LDHAL6A: variants seen among roughly 807,000 people sequenced by gnomAD.
LDHAL6A encodes the protein L-lactate dehydrogenase A-like 6A.
Under a neutral mutation model 28.2 loss-of-function variants are expected in LDHAL6A, and 19 were observed. The ratio of observed to expected loss-of-function variants is 0.67; its 90% CI spans 0.47 to 0.99. LDHAL6A has a LOEUF of 0.99. Ranked by LOEUF, LDHAL6A falls within the 50% of genes least tolerant of loss-of-function variation. LDHAL6A has a pLI of 0.00. For synonymous variants in LDHAL6A, 144 were observed against 134.4 expected (o/e 1.07, Z -0.49); for missense variants, 372 against 398.6 (o/e 0.93, Z 0.57).
At chr11:18,458,594 C>T (rs1409927494) in intron 1 of LDHAL6A, among the ~76,000 whole-genome samples, 1 of 152,190 alleles carries the variant, frequency 6.6e-6, no homozygotes, top group Non-Finnish European at 1.5e-5. Context: ...GACACTGCAA[C>T]TTCTGTCATT....
rs1344614265 is a variant in LDHAL6A, at chr11:18,456,488, C to T, written c.-193C>T. 7.1e-6 allele frequency: 4 copies of T among 563,074 alleles called. No homozygotes were observed. The highest frequency in any genetic ancestry group is 1.3e-5 in the Non-Finnish European group (4 of 319,352). 34.9% of individuals were successfully genotyped at this position (563,074 alleles called of 1,614,324 possible). A position where few individuals can be genotyped will look rare whatever the true frequency, so the allele number is the denominator to read the frequency against. On this transcript the variant is annotated 5_prime_UTR_variant, in exon 1 of 7. Transcript: ENST00000280706. ...GGTCCGCTTCATGGATGCTGAGCTG[C>T]CTGGCCAGAACCTACCCAGCTTCTT...
At chr11:18,468,038 CATATATAT>C in intron 3 of LDHAL6A, among the ~76,000 whole-genome samples, 1 of 46,072 alleles carries the variant, frequency 2.2e-5, no homozygotes, top group East Asian at 1.1e-3. Context: ...TATATATATA[CATATATAT>C]ACGTATATAT....
intron 3 of LDHAL6A, among the ~76,000 whole-genome samples, chr11:18,473,357 A>G (rs1268671939): frequency 6.6e-6 from 1 of 152,116 alleles, no homozygotes; most frequent in Non-Finnish European, 1.5e-5. Flanking sequence ...TGGTCTGTTT[A>G]TAAAAACTAA....
intron 3 of LDHAL6A, among the ~76,000 whole-genome samples, chr11:18,469,910 T>A (rs960648356): frequency 6.6e-6 from 1 of 152,146 alleles, no homozygotes; most frequent in Non-Finnish European, 1.5e-5. Flanking sequence ...CAGGAAAGAT[T>A]TTTTCCCCCC....
chr11:18,464,977 G>GTTTGTTTTTTTTTTTTTT (rs1849013732), intron 2 of LDHAL6A, among the ~76,000 whole-genome samples: 1 of 125,488 alleles, frequency 8.0e-6, no homozygotes, highest in African/African-American at 3.4e-5. Context: ...TGTTTTTTTT[G>GTTTGTTTTTTTTTTTTTT]TTTTTTTTTG....
intron 1 of LDHAL6A, among the ~76,000 whole-genome samples, chr11:18,460,714 T>C (rs1848876369): frequency 6.6e-6 from 1 of 152,054 alleles, no homozygotes; most frequent in South Asian, 2.1e-4. Flanking sequence ...GAGCCATGAA[T>C]GTGCCACTGT....
At chr11:18,461,577 G>A (rs1848904737) in intron 1 of LDHAL6A, among the ~76,000 whole-genome samples, 2 of 152,072 alleles carry the variant, frequency 1.3e-5, no homozygotes, top group Admixed American at 6.5e-5. Context: ...AAGGCTGGGT[G>A]CGGTGGCTCA....
intron 2 of LDHAL6A, among the ~76,000 whole-genome samples, chr11:18,464,592 G>GT (rs915025444): frequency 9.2e-5 from 14 of 152,064 alleles, no homozygotes; most frequent in African/African-American, 3.1e-4. Flanking sequence ...GTGCATGCCT[G>GT]TAACCCCAGC....
In LDHAL6A at chr11:18,479,069, G is replaced by A. The variant is rs1849471745; in HGVS notation, c.*199G>A. On this transcript the variant is annotated 3_prime_UTR_variant, in exon 7 of 7. Coordinates refer to ENST00000280706, the MANE Select transcript of LDHAL6A (RefSeq NM_144972.5). ...CTGTCACCCAGGCTGGAGTGCAGTGGCACAATCATGGCTCACTGCAACCTT... is the reference window on the plus strand; with the variant it reads ...CTGTCACCCAGGCTGGAGTGCAGTGACACAATCATGGCTCACTGCAACCTT... 1.8e-5 allele frequency: 8 copies of A among 450,662 alleles called. No homozygotes were observed. The highest frequency in any genetic ancestry group is 1.5e-4 in the South Asian group (6 of 38,810). 27.9% of individuals were successfully genotyped at this position (450,662 alleles called of 1,614,324 possible).
intron 1 of LDHAL6A, among the ~76,000 whole-genome samples, chr11:18,462,386 C>T (rs929524909): frequency 5.9e-5 from 9 of 151,894 alleles, no homozygotes; most frequent in Non-Finnish European, 2.9e-5. Context: ...GCCTGTAATC[C>T]CAGCACTTTG....
intron 1 of LDHAL6A, among the ~76,000 whole-genome samples, chr11:18,460,049 G>A (rs897592849): frequency 6.6e-6 from 1 of 152,180 alleles, no homozygotes; most frequent in Admixed American, 6.5e-5. Flanking sequence ...TGCTTGTAAT[G>A]CAGCTTAGAC....
chr11:18,460,637 G>A (rs1345692992), intron 1 of LDHAL6A, among the ~76,000 whole-genome samples: 1 of 151,230 alleles, frequency 6.6e-6, no homozygotes, highest in Non-Finnish European at 1.5e-5. Flanking sequence ...GTACATGCTA[G>A]TAGTACTAGC....
intron 3 of LDHAL6A, among the ~76,000 whole-genome samples, chr11:18,468,014 CATATATATACGT>C (rs1565071627): frequency 2.5e-4 from 15 of 59,962 alleles, no homozygotes; most frequent in African/African-American, 1.2e-3. Context: ...TATATATATA[CATATATATACGT>C]ATATATATAT....
intron 3 of LDHAL6A, among the ~76,000 whole-genome samples, chr11:18,467,960 T>C (rs1565071315): frequency 5.0e-4 from 5 of 9,970 alleles, no homozygotes; most frequent in African/African-American, 9.3e-4. Flanking sequence ...TATATACGTA[T>C]ATATATACGT....
intron 3 of LDHAL6A, among the ~76,000 whole-genome samples, chr11:18,473,586 G>A (rs537015382): frequency 1.3e-5 from 2 of 152,224 alleles, no homozygotes; most frequent in East Asian, 1.9e-4. Flanking sequence ...TTGTAGAGAC[G>A]CGGTCTTGTT....
intron 1 of LDHAL6A, among the ~76,000 whole-genome samples, chr11:18,460,021 T>C (rs1848857950): frequency 6.6e-6 from 1 of 152,230 alleles, no homozygotes; most frequent in African/African-American, 2.4e-5. Flanking sequence ...GTGTTGATGT[T>C]GACCTCAGTT....
chr11:18,472,468 A>C (rs1849277194), intron 3 of LDHAL6A, among the ~76,000 whole-genome samples: 1 of 152,210 alleles, frequency 6.6e-6, no homozygotes, highest in African/African-American at 2.4e-5. Flanking sequence ...CAGAGGACAA[A>C]AGATGTCATC....
intron 1 of LDHAL6A, among the ~76,000 whole-genome samples, chr11:18,463,369 C>T (rs1187825763): frequency 6.6e-6 from 1 of 152,170 alleles, no homozygotes; most frequent in Non-Finnish European, 1.5e-5. Flanking sequence ...GCAGAGTCTC[C>T]TCCAGCAAGA....
chr11:18,465,087 C>A (rs1339758480), intron 2 of LDHAL6A, among the ~76,000 whole-genome samples: 1 of 150,754 alleles, frequency 6.6e-6, no homozygotes, highest in African/African-American at 2.5e-5. Context: ...TTGGTCTCAG[C>A]CTCCAAGTAA....
Sources: gnomAD v4.1 joint callset for allele counts (sites outside exome capture counted in the v4.1 genomes callset) on GRCh38, gnomAD v4.1.1 for gene constraint, MANE v1.5 for transcripts, NCBI Gene and HGNC (gene_info 2026-07-23, HGNC 2026-07-21) for gene names.